The following C1GALT1 variants were observed in gnomAD, a reference collection of about 807,000 sequenced individuals.
C1GALT1 encodes the protein glycoprotein-N-acetylgalactosamine 3-beta-galactosyltransferase 1.
A neutral mutation model predicts 31.0 loss-of-function variants in C1GALT1; 11 were observed. The observed-to-expected ratio is 0.36, with a 90% CI of 0.22 to 0.59. The LOEUF (loss-of-function observed/expected upper bound fraction) is 0.59. Ranked by LOEUF, C1GALT1 falls within the 20% of genes least tolerant of loss-of-function variation. The pLI, the probability that C1GALT1 is intolerant of heterozygous loss-of-function variation, is 0.79. For synonymous variants in C1GALT1, 175 were observed against 143.6 expected, an observed-to-expected ratio of 1.22 and a Z score of -1.56; for missense variants, 424 against 425.2, an observed-to-expected ratio of 1.00 and a Z score of 0.03.
intron 1 of C1GALT1, among the ~76,000 whole-genome samples, chr7:7,213,847 G>A (rs187049884): frequency 6.6e-5 from 10 of 152,192 alleles, no homozygotes; most frequent in African/African-American, 1.2e-4. Context: ...CTTGCTATGC[G>A]TTTATTTCAA....
rs1783251948 is a variant in C1GALT1 at position 7,234,622 on chromosome 7, A to C, written c.220+83A>C. 7.3e-6 allele frequency: 7 copies of C among 959,498 alleles called. No individual in the cohort carries two copies. In the South Asian group the frequency reaches 1.1e-4, roughly 15 times the overall value. 59.4% of individuals were successfully genotyped at this position (959,498 alleles called of 1,614,324 possible). A position where few individuals can be genotyped will look rare whatever the true frequency, so the allele number is the denominator to read the frequency against. On this transcript the variant is annotated intron_variant, in intron 2 of 3. Coordinates refer to ENST00000436587, the MANE Select transcript of C1GALT1 (RefSeq NM_020156.5). ...ATATTCCTGTCTGTATCTGTTAATT[A>C]AAATGGGCTATATATTCCAGATATT...
In C1GALT1 at chr7:7,245,716, T is replaced by C. The variant is rs1783818349; in HGVS notation, c.*1989T>C. ...GGACATGAATTTTCATATGTGTTAC[T>C]TGACTAGAAGTATAAATGGTTTACT... On this transcript the variant is annotated 3_prime_UTR_variant, in exon 4 of 4. Coordinates refer to ENST00000436587, the MANE Select transcript of C1GALT1 (RefSeq NM_020156.5). The C allele has an allele frequency of 6.6e-6, 1 of 152,240 alleles. No individual in the cohort carries two copies. The highest frequency in any genetic ancestry group is 6.5e-5 in the Admixed American group (1 of 15,288). 9.4% of individuals were successfully genotyped at this position (152,240 alleles called of 1,614,324 possible).
chr7:7,212,174 G>A (rs6969625), intron 1 of C1GALT1, among the ~76,000 whole-genome samples: 6,208 of 152,240 alleles, frequency 0.041, 283 homozygotes, highest in African/African-American at 0.12. Flanking sequence ...TGAGTTAGGT[G>A]ATCCTCTCTT....
At chr7:7,213,028 A>G (rs1782077700) in intron 1 of C1GALT1, among the ~76,000 whole-genome samples, 1 of 152,210 alleles carries the variant, frequency 6.6e-6, no homozygotes, top group Non-Finnish European at 1.5e-5. Context: ...CCAAACAAGG[A>G]TCAACAATAT....
intron 1 of C1GALT1, among the ~76,000 whole-genome samples, chr7:7,192,204 T>G (rs998278422): frequency 2.0e-5 from 3 of 152,024 alleles, no homozygotes; most frequent in African/African-American, 7.2e-5. Flanking sequence ...ATGGATATGT[T>G]TTTTGGTAAT....
chr7:7,229,343 G>A (rs1258534869), intron 1 of C1GALT1, among the ~76,000 whole-genome samples: 1 of 152,152 alleles, frequency 6.6e-6, no homozygotes, highest in African/African-American at 2.4e-5. Context: ...TGTAGAGAGT[G>A]ACAACTCAGT....
chr7:7,236,679 G>A (rs1414264894), intron 2 of C1GALT1, among the ~76,000 whole-genome samples: 2 of 151,802 alleles, frequency 1.3e-5, no homozygotes, highest in East Asian at 1.9e-4. Context: ...CCACCACTAC[G>A]CTTGGCTAAT....
Position 7,163,777 on chromosome 7 carries a change from T to C in C1GALT1, c.-18+6351T>C, listed in dbSNP as rs1423823191. ...CTTACAAGGGACGTGAAGGACCTCCTCAAGGAGAACTACAAACCACTGCTC... is the reference window on the plus strand; with the variant it reads ...CTTACAAGGGACGTGAAGGACCTCCCCAAGGAGAACTACAAACCACTGCTC... On this transcript the variant is annotated intron_variant, in intron 2 of 3. Transcript: ENST00000429911. Among the ~76,000 whole-genome samples the C allele has an allele frequency of 2.6e-5, 4 of 152,064 alleles. No individual in the cohort carries two copies. The East Asian group carries it at 7.7e-4, about 29-fold the overall frequency.
chr7:7,225,402 T>C (rs1397744339), intron 1 of C1GALT1, among the ~76,000 whole-genome samples: 1 of 152,220 alleles, frequency 6.6e-6, no homozygotes, highest in Non-Finnish European at 1.5e-5. Flanking sequence ...GTGCTGTGTA[T>C]TTGAAAATAA....
Position 7,244,265 on chromosome 7 carries a change from T to C in C1GALT1, c.*538T>C, listed in dbSNP as rs1027351466. Reference sequence around the variant, plus strand: ...ATGAAAATGTTGCTGTGATTATTTATAATTGGTAGTATTTCTTCCAGAAGA... The same window carrying C: ...ATGAAAATGTTGCTGTGATTATTTACAATTGGTAGTATTTCTTCCAGAAGA... On this transcript the variant is annotated 3_prime_UTR_variant, in exon 4 of 4. Transcript: ENST00000436587. The C allele has an allele frequency of 6.6e-6, 1 of 152,204 alleles. No individual in the cohort carries two copies. Among genetic ancestry groups the C allele is most frequent in the Admixed American group, 6.5e-5 (1 of 15,286 alleles). 9.4% of individuals were successfully genotyped at this position (152,204 alleles called of 1,614,324 possible).
chr7:7,208,555 G>A (rs1781853680), intron 1 of C1GALT1, among the ~76,000 whole-genome samples: 1 of 152,134 alleles, frequency 6.6e-6, no homozygotes, highest in Non-Finnish European at 1.5e-5. Flanking sequence ...AAAGGAAAAG[G>A]ACAAAAATGA....
At chr7:7,192,202 G>A (rs1437264711) in intron 1 of C1GALT1, among the ~76,000 whole-genome samples, 1 of 151,616 alleles carries the variant, frequency 6.6e-6, no homozygotes, top group African/African-American at 2.4e-5. Context: ...ACATGGATAT[G>A]TTTTTTGGTA....
intron 1 of C1GALT1, among the ~76,000 whole-genome samples, chr7:7,205,584 G>A (rs527395214): frequency 1.3e-5 from 2 of 152,210 alleles, no homozygotes; most frequent in African/African-American, 4.8e-5. Context: ...GACCTATACT[G>A]TTCAGACCCA....
rs555313429 is a variant in C1GALT1 at position 7,184,151 on chromosome 7, C to T, written c.-18+1331C>T. ...TGTATATAGTACACTATACTTTCTA[C>T]CAGTCTTTATATATAGATGTACAGT... On this transcript the variant is annotated intron_variant, in intron 1 of 3. Coordinates refer to ENST00000436587, the MANE Select transcript of C1GALT1 (RefSeq NM_020156.5). 7.9e-5 allele frequency among the ~76,000 whole-genome samples: 12 copies of T among 152,276 alleles called. No individual in the cohort carries two copies. In the South Asian group the frequency reaches 1.7e-3, roughly 21 times the overall value.
chr7:7,182,620 G>T lies in C1GALT1; in HGVS notation c.-218G>T, dbSNP rs1289070009. 5.8e-6 allele frequency: 1 copy of T among 173,684 alleles called. No individual in the cohort carries two copies. Among genetic ancestry groups the T allele is most frequent in the Non-Finnish European group, 1.1e-5 (1 of 87,736 alleles). 10.8% of individuals were successfully genotyped at this position (173,684 alleles called of 1,614,324 possible). On this transcript the variant is annotated 5_prime_UTR_variant, in exon 1 of 4. Transcript: ENST00000436587. ...CTGCGGGGAGGGGCGGAGCGAGCGGGCGGGAGCGCGCGCTGGGCCCGCCTT... is the reference window on the plus strand; with the variant it reads ...CTGCGGGGAGGGGCGGAGCGAGCGGTCGGGAGCGCGCGCTGGGCCCGCCTT...
At chr7:7,232,571 G>A (rs1404710864) in intron 1 of C1GALT1, among the ~76,000 whole-genome samples, 1 of 150,658 alleles carries the variant, frequency 6.6e-6, no homozygotes, top group Non-Finnish European at 1.5e-5. Context: ...CGGTCCTGCA[G>A]TCCTGCCTCC....
intron 1 of C1GALT1, among the ~76,000 whole-genome samples, chr7:7,233,636 A>T (rs1783193486): frequency 6.6e-6 from 1 of 152,172 alleles, no homozygotes; most frequent in Admixed American, 6.5e-5. Context: ...TATTGTAGCT[A>T]TTCACTCTGC....
In C1GALT1 at chr7:7,224,376, T is replaced by C. The variant is rs1051547741; in HGVS notation, c.-17-9927T>C. ...TACTTTTTGGAGGAGATTGTACAAA[T>C]TGATGTTAAAACATTAAAAAATAAT... On this transcript the variant is annotated intron_variant, in intron 1 of 3. Transcript: ENST00000436587. 2.6e-5 allele frequency among the ~76,000 whole-genome samples: 4 copies of C among 151,906 alleles called. No individual in the cohort carries two copies. In the East Asian group the frequency reaches 7.7e-4, roughly 29 times the overall value.
At chr7:7,194,728 GGGA>G (rs1781215119) in intron 1 of C1GALT1, among the ~76,000 whole-genome samples, 1 of 152,032 alleles carries the variant, frequency 6.6e-6, no homozygotes, top group East Asian at 1.9e-4. Context: ...TCTGTATTGT[GGGA>G]TAGTGTCAAT....
Sources: allele counts gnomAD v4.1 joint callset (sites outside exome capture counted in the v4.1 genomes callset), GRCh38; gene constraint gnomAD v4.1.1; transcripts MANE v1.5; gene names NCBI Gene and HGNC (gene_info 2026-07-23, HGNC 2026-07-21).